The following PLEKHG5 variants were observed in gnomAD, a reference collection of about 807,000 sequenced individuals.
PLEKHG5 encodes the protein pleckstrin homology domain-containing family G member 5.
Under a neutral mutation model 103.8 loss-of-function variants are expected in PLEKHG5, and 52 were observed. That is an observed-to-expected ratio of 0.50 (90% CI 0.40 to 0.63). The LOEUF is 0.63. Among genes scored for constraint, PLEKHG5 ranks in the 30% least tolerant of loss-of-function variants. The pLI is 0.00. For synonymous variants in PLEKHG5, 592 were observed against 575.5 expected (o/e 1.03, Z -0.41); for missense variants, 1,205 against 1,347.6 (o/e 0.89, Z 1.66).
At chr1:6,477,220 G>A (rs1405488442) in intron 2 of PLEKHG5, among the ~76,000 whole-genome samples, 1 of 152,222 alleles carries the variant, frequency 6.6e-6, no homozygotes, top group Non-Finnish European at 1.5e-5. Context: ...CTGCCCTGAG[G>A]ATAGGCAGAA....
intron 1 of PLEKHG5, chr1:6,485,537 G>C: frequency 1.7e-6 from 2 of 1,184,076 alleles, no homozygotes; most frequent in Non-Finnish European, 2.1e-6. Flanking sequence ...CCCCCGCCGA[G>C]CGCGGGGACC....
At chr1:6,492,278 T>A (rs1459256383), upstream of PLEKHG5, among the ~76,000 whole-genome samples, 1 of 152,112 alleles carries the variant, frequency 6.6e-6, no homozygotes. Context: ...ATGTCCCCTG[T>A]GGCCCAGGGC....
Position 6,469,023 on chromosome 1 carries a change from T to C in PLEKHG5, c.2249+19A>G. 1.2e-6 allele frequency: 2 copies of C among 1,605,110 alleles called. No homozygotes were observed. The highest frequency in any genetic ancestry group is 1.7e-6 in the Non-Finnish European group (2 of 1,172,376). ...ACTTGTCCTGGTTTGACCTGCTGGG[T>C]GGTCATGAGCAGACGTACCAGTGCT... is the stretch of plus-strand genomic sequence containing the variant. On this transcript the variant is annotated intron_variant, in intron 19 of 20. Transcript: ENST00000377728.
intron 20 of PLEKHG5, 44 bp downstream of exon 20, chr1:6,467,781 C>T: frequency 6.2e-7 from 1 of 1,606,262 alleles, no homozygotes; most frequent in Non-Finnish European, 8.5e-7. Context: ...GCCCCCATGC[C>T]AGTGCCCTGA....
intron 1 of PLEKHG5, among the ~76,000 whole-genome samples, chr1:6,507,368 G>C (rs1346226052): frequency 6.6e-6 from 1 of 152,040 alleles, no homozygotes; most frequent in African/African-American, 2.4e-5. Context: ...GGAGAAGGTG[G>C]GGGTGATCAG....
chr1:6,511,765 G>GC (rs946066451), intron 1 of PLEKHG5, among the ~76,000 whole-genome samples: 22 of 152,334 alleles, frequency 1.4e-4, no homozygotes, highest in African/African-American at 4.6e-4. Flanking sequence ...CCTGACTGCA[G>GC]CCCCCCCAGA....
At chr1:6,512,114 C>T (rs2148637765) in intron 1 of PLEKHG5, among the ~76,000 whole-genome samples, 1 of 152,306 alleles carries the variant, frequency 6.6e-6, no homozygotes, top group East Asian at 1.9e-4. Context: ...ACCATCACCC[C>T]GTTTTACAGA....
chr1:6,519,304 G>C (rs1041717595), intron 1 of PLEKHG5: 2 of 736,320 alleles, frequency 2.7e-6, no homozygotes, highest in African/African-American at 3.4e-5. Context: ...AATGGATCCA[G>C]CCTGCAAGTG....
At chr1:6,507,051 G>A (rs906296030) in intron 1 of PLEKHG5, among the ~76,000 whole-genome samples, 4 of 152,170 alleles carry the variant, frequency 2.6e-5, no homozygotes, top group African/African-American at 7.2e-5. Flanking sequence ...AAAAGCGAGC[G>A]GACAGGCGGG....
upstream of PLEKHG5, among the ~76,000 whole-genome samples, chr1:6,493,502 C>T (rs1190371825): frequency 6.6e-6 from 1 of 152,224 alleles, no homozygotes. Flanking sequence ...GTTCCTCTAC[C>T]TCTCTGGGCC....
chr1:6,479,144 G>A (rs926857239), intron 1 of PLEKHG5, among the ~76,000 whole-genome samples: 4 of 152,042 alleles, frequency 2.6e-5, no homozygotes, highest in South Asian at 2.1e-4. Context: ...TAGAATTGTC[G>A]CACTTGGGAA....
In PLEKHG5 at chr1:6,469,467, C is replaced by G. The variant is rs770846412; in HGVS notation, c.1934-17G>C. Reference sequence around the variant, plus strand: ...GGAAGGACCCTGGTTAGGGAAGGCCCAAGTCAGTGTCAGCAGAGACGATGG... The same window carrying G: ...GGAAGGACCCTGGTTAGGGAAGGCCGAAGTCAGTGTCAGCAGAGACGATGG... On this transcript the variant is annotated splice_polypyrimidine_tract_variant and intron_variant, in intron 17 of 20. Transcript: ENST00000377728. 1 of 1,613,438 alleles carries G rather than the reference C, an allele frequency of 6.2e-7. No individual in the cohort carries two copies. Among genetic ancestry groups the G allele is most frequent in the African/African-American group, 1.3e-5 (1 of 75,044 alleles).
Position 6,505,261 on chromosome 1 carries a change from C to T in PLEKHG5, c.-164-8692G>A, listed in dbSNP as rs1253194195. ...CCACAGTGCCGGTCAGCCCACTGTG[C>T]CGACCAGCCTACAGTACCGACCAGC... On this transcript the variant is annotated intron_variant, in intron 1 of 21. Coordinates refer to the PLEKHG5 transcript ENST00000377740. This position sits in a 1 kb window ranked among gnomAD's most constrained non-coding sequence, Gnocchi z 4.2. 6.6e-6 allele frequency among the ~76,000 whole-genome samples: 1 copy of T among 152,076 alleles called. No individual in the cohort carries two copies. The highest frequency in any genetic ancestry group is 1.5e-5 in the Non-Finnish European group (1 of 68,008).
rs1203303609 is a variant in PLEKHG5 at position 6,477,581 on chromosome 1, G to T, written c.-10C>A. 7 of 1,612,366 alleles carry T rather than the reference G, an allele frequency of 4.3e-6. No homozygotes were observed. Among genetic ancestry groups the T allele is most frequent in the Non-Finnish European group, 5.9e-6 (7 of 1,179,940 alleles). ...GCCCATCATAATGCATGGTGCTGTG[G>T]AACTTGCTGTCACAGGCCTCGCAGA... On this transcript the variant is annotated 5_prime_UTR_variant, in exon 2 of 21. Transcript: ENST00000377728.
chr1:6,512,777 C>T (rs1355886510), intron 1 of PLEKHG5, among the ~76,000 whole-genome samples: 1 of 152,238 alleles, frequency 6.6e-6, no homozygotes, highest in African/African-American at 2.4e-5. Flanking sequence ...CCAGAACCAG[C>T]CGGGCTCCCC....
intron 1 of PLEKHG5, among the ~76,000 whole-genome samples, chr1:6,480,457 G>A (rs1644870407): frequency 6.7e-6 from 1 of 149,806 alleles, no homozygotes; most frequent in South Asian, 2.1e-4. Context: ...TTGAACCGGG[G>A]GCAGAGGTTG....
chr1:6,493,136 CAAAT>C (rs1409533502), upstream of PLEKHG5, among the ~76,000 whole-genome samples: 1 of 152,208 alleles, frequency 6.6e-6, no homozygotes, highest in Non-Finnish European at 1.5e-5. Flanking sequence ...AGGAGAGCCT[CAAAT>C]AAAACATCAA....
chr1:6,519,171 C>T (rs961847291), intron 1 of PLEKHG5, among the ~76,000 whole-genome samples: 1 of 152,208 alleles, frequency 6.6e-6, no homozygotes, highest in Non-Finnish European at 1.5e-5. Context: ...CTAGGTCTTT[C>T]TTCTGTCAGG....
At chr1:6,471,178 G>A (rs1162496469) in intron 12 of PLEKHG5, 78 bp from the exon 13 acceptor site, 1 of 1,214,830 alleles carries the variant, frequency 8.2e-7, no homozygotes, top group East Asian at 2.5e-5. Flanking sequence ...CGCTGCGCAA[G>A]CGCTTCCTTA....
Sources: gnomAD v4.1 joint callset for allele counts (sites outside exome capture counted in the v4.1 genomes callset) on GRCh38, gnomAD v4.1.1 for gene constraint, Gnocchi (gnomAD v3.1) non-coding constraint, MANE v1.5 for transcripts, NCBI Gene and HGNC (gene_info 2026-07-23, HGNC 2026-07-21) for gene names.